Variants in TRHDE observed in about 807,000 individuals in gnomAD.
TRHDE encodes thyrotropin releasing hormone degrading enzyme.
TRHDE carries 72 observed loss-of-function variants against 125.7 expected under a neutral mutation model. The observed-to-expected ratio is 0.57, with a 90% confidence interval of 0.47 to 0.70. TRHDE has a LOEUF of 0.70. Ranked by LOEUF, TRHDE falls within the 30% of genes least tolerant of loss-of-function variation. The probability of loss-of-function intolerance (pLI) is 0.00; values close to 1 mark genes in which losing one functional copy is unlikely to be tolerated. For missense variants in TRHDE, 1,110 were observed against 1,327.1 expected, an observed-to-expected ratio of 0.84 and a Z score of 2.54; for synonymous variants, 509 against 509.1, an observed-to-expected ratio of 1.00 and a Z score of 0.00.
At chr12:72,392,352 A>G (rs2135792338) in intron 3 of TRHDE, among the ~76,000 whole-genome samples, 1 of 152,302 alleles carries the variant, frequency 6.6e-6, no homozygotes, top group South Asian at 2.1e-4. Flanking sequence ...TTCAGTCACA[A>G]TTCCATTTTG....
At chr12:72,468,041 TG>T (rs1284892122) in intron 3 of TRHDE, among the ~76,000 whole-genome samples, 4 of 152,220 alleles carry the variant, frequency 2.6e-5, no homozygotes, top group South Asian at 2.1e-4. Flanking sequence ...TTTAATTCAC[TG>T]TGTGACTGTC....
intron 3 of TRHDE, among the ~76,000 whole-genome samples, chr12:72,457,370 C>T (rs1228127000): frequency 6.6e-6 from 1 of 151,926 alleles, no homozygotes. Flanking sequence ...TTTCTCTCTG[C>T]CCTCATTACG....
At chr12:72,426,252 A>G (rs932943447) in intron 3 of TRHDE, among the ~76,000 whole-genome samples, 18 of 152,084 alleles carry the variant, frequency 1.2e-4, no homozygotes, top group African/African-American at 7.2e-5. Flanking sequence ...ATGTAATAAG[A>G]TTGTTATTGT....
intron 1 of TRHDE, among the ~76,000 whole-genome samples, chr12:72,102,447 A>G (rs1875090241): frequency 6.6e-6 from 1 of 152,192 alleles, no homozygotes; most frequent in Non-Finnish European, 1.5e-5. Context: ...ATTGTCTTAG[A>G]TGACCTAAAC....
intron 2 of TRHDE, among the ~76,000 whole-genome samples, chr12:72,117,647 A>T (rs149756632): frequency 0.017 from 2,578 of 152,080 alleles, 41 homozygotes; most frequent in Middle Eastern, 0.041. Flanking sequence ...GATTGCATTG[A>T]CTCTGTAGAC....
intron 15 of TRHDE, among the ~76,000 whole-genome samples, chr12:72,646,544 A>G (rs184266409): frequency 6.6e-6 from 1 of 152,186 alleles, no homozygotes; most frequent in East Asian, 1.9e-4. Context: ...AAGTGGCTGA[A>G]TGGATTAACA....
At chr12:72,594,179 T>C (rs1475734307) in intron 12 of TRHDE, among the ~76,000 whole-genome samples, 3 of 152,146 alleles carry the variant, frequency 2.0e-5, no homozygotes, top group African/African-American at 7.2e-5. Flanking sequence ...CAGCACCTGT[T>C]GTTTCCTGAC....
At chr12:72,138,380 A>C (rs114481825) in intron 2 of TRHDE, among the ~76,000 whole-genome samples, 5,365 of 152,218 alleles carry the variant, frequency 0.035, 162 homozygotes, top group African/African-American at 0.085. Context: ...TCAAAAAAAA[A>C]CCCAAAAACC....
chr12:72,559,278 T>C (rs1870063057), intron 7 of TRHDE, among the ~76,000 whole-genome samples: 1 of 152,212 alleles, frequency 6.6e-6, no homozygotes, highest in Non-Finnish European at 1.5e-5. Flanking sequence ...TATTGAATCA[T>C]TCAATTCTCA....
At chr12:72,543,449 A>G (rs1869254066) in intron 7 of TRHDE, among the ~76,000 whole-genome samples, 1 of 151,482 alleles carries the variant, frequency 6.6e-6, no homozygotes, top group South Asian at 2.1e-4. Flanking sequence ...AGCTGAATCC[A>G]TTGAATCTAT....
intron 9 of TRHDE, among the ~76,000 whole-genome samples, chr12:72,568,084 G>T (rs766515725): frequency 6.6e-6 from 1 of 151,888 alleles, no homozygotes; most frequent in Non-Finnish European, 1.5e-5. Context: ...AGTAACTTTA[G>T]ATACGTCATA....
chr12:72,468,391 C>T (rs1876484585), intron 3 of TRHDE, among the ~76,000 whole-genome samples: 1 of 152,116 alleles, frequency 6.6e-6, no homozygotes. Flanking sequence ...GTTTCTTTGT[C>T]CTTTGCTTAA....
At chr12:72,608,592 T>G (rs1872533723) in intron 12 of TRHDE, among the ~76,000 whole-genome samples, 1 of 152,146 alleles carries the variant, frequency 6.6e-6, no homozygotes. Context: ...GTTAAGAACA[T>G]GGCTTTGGCT....
upstream of TRHDE, among the ~76,000 whole-genome samples, chr12:72,271,373 T>C (rs532291681): frequency 5.3e-5 from 8 of 152,224 alleles, no homozygotes; most frequent in South Asian, 2.1e-4. Context: ...AGGATCTTCT[T>C]TTGCTCTCTA....
chr12:72,595,030 G>A (rs1008948507), intron 12 of TRHDE, among the ~76,000 whole-genome samples: 6 of 145,500 alleles, frequency 4.1e-5, no homozygotes, highest in South Asian at 4.4e-4. Flanking sequence ...ACCAAACACC[G>A]CATGTTCTCA....
intron 2 of TRHDE, among the ~76,000 whole-genome samples, chr12:72,356,514 C>T (rs1443151002): frequency 6.6e-6 from 1 of 150,826 alleles, no homozygotes; most frequent in Non-Finnish European, 1.5e-5. Flanking sequence ...CAAACCTGCA[C>T]ATGTAGCCCT....
At chr12:72,633,374 T>C (rs561955305) in intron 15 of TRHDE, among the ~76,000 whole-genome samples, 1 of 152,222 alleles carries the variant, frequency 6.6e-6, no homozygotes, top group South Asian at 2.1e-4. Flanking sequence ...TAATTTTAAA[T>C]ACATTTATTC....
At chr12:72,512,680 AT>A (rs1175860523) in intron 6 of TRHDE, among the ~76,000 whole-genome samples, 1 of 145,794 alleles carries the variant, frequency 6.9e-6, no homozygotes, top group African/African-American at 2.5e-5. Context: ...GGTAATATAG[AT>A]TTTTTATAGA....
intron 2 of TRHDE, among the ~76,000 whole-genome samples, chr12:72,179,361 C>T (rs1055085854): frequency 6.6e-6 from 1 of 152,036 alleles, no homozygotes; most frequent in African/African-American, 2.4e-5. Context: ...GAAATATCTC[C>T]ACTGATGAGC....
Sources: allele counts gnomAD v4.1 joint callset (sites outside exome capture counted in the v4.1 genomes callset), GRCh38; gene constraint gnomAD v4.1.1; transcripts MANE v1.5; gene names NCBI Gene and HGNC (gene_info 2026-07-23, HGNC 2026-07-21).